The following SPOCK1 variants were observed in gnomAD, a reference collection of about 807,000 sequenced individuals.
SPOCK1 encodes the protein SPARC (osteonectin), cwcv and kazal like domains proteoglycan 1, also known as testican-1.
SPOCK1 carries 23 observed loss-of-function variants against 55.3 expected under a neutral mutation model. The ratio of observed to expected loss-of-function variants is 0.42; its 90% CI spans 0.30 to 0.59. The LOEUF is 0.59. Ranked by LOEUF, SPOCK1 falls within the 20% of genes least tolerant of loss-of-function variation. SPOCK1 has a pLI of 0.22. For synonymous variants in SPOCK1, 226 were observed against 221.0 expected (o/e 1.02, Z -0.20); for missense variants, 499 against 552.5 (o/e 0.90, Z 0.97).
intron 7 of SPOCK1, among the ~76,000 whole-genome samples, chr5:136,992,002 C>G (rs995902975): frequency 3.3e-5 from 5 of 152,194 alleles, no homozygotes; most frequent in African/African-American, 9.6e-5. Context: ...ATGTTTGCTA[C>G]AGTGTTACTT....
At chr5:137,077,644 T>C (rs567715704) in intron 5 of SPOCK1, among the ~76,000 whole-genome samples, 115 of 152,342 alleles carry the variant, frequency 7.5e-4, no homozygotes, top group African/African-American at 2.7e-3. Flanking sequence ...ACTTAGCCTC[T>C]CCTGGAGGCA....
chr5:137,071,465 C>T (rs1484282828), intron 5 of SPOCK1, among the ~76,000 whole-genome samples: 3 of 152,150 alleles, frequency 2.0e-5, no homozygotes, highest in Non-Finnish European at 4.4e-5. Context: ...CCAAGGGAAG[C>T]GTCACAAACA....
intron 3 of SPOCK1, among the ~76,000 whole-genome samples, chr5:137,217,374 G>A (rs1755738189): frequency 6.6e-6 from 1 of 152,172 alleles, no homozygotes; most frequent in Non-Finnish European, 1.5e-5. Context: ...TCAAGAATGT[G>A]CTGGAGTCTG....
At chr5:137,492,201 A>G (rs968061005) in intron 2 of SPOCK1, among the ~76,000 whole-genome samples, 5 of 152,192 alleles carry the variant, frequency 3.3e-5, no homozygotes, top group African/African-American at 1.2e-4. Flanking sequence ...TTGGACACAT[A>G]ACCCAGACTT....
chr5:137,085,334 C>T (rs2127016229), intron 5 of SPOCK1, among the ~76,000 whole-genome samples: 1 of 152,296 alleles, frequency 6.6e-6, no homozygotes, highest in East Asian at 1.9e-4. Flanking sequence ...TTAGGGCCAT[C>T]ACCAACCACA....
At chr5:137,029,729 T>C (rs1035230039) in intron 6 of SPOCK1, among the ~76,000 whole-genome samples, 1 of 152,246 alleles carries the variant, frequency 6.6e-6, no homozygotes, top group Non-Finnish European at 1.5e-5. Flanking sequence ...GTATGGTGGC[T>C]CATGCCTATA....
chr5:137,148,690 T>C lies in SPOCK1; in HGVS notation c.233-7996A>G, dbSNP rs570830447. On this transcript the variant is annotated intron_variant, in intron 3 of 10. Coordinates refer to ENST00000394945, the MANE Select transcript of SPOCK1 (RefSeq NM_004598.4). Reference sequence around the variant, plus strand: ...CGACCAACTATAGAATAATGTACTATTATCCTAATTCAACAATAAAGAAAC... The same window carrying C: ...CGACCAACTATAGAATAATGTACTACTATCCTAATTCAACAATAAAGAAAC... 5.3e-5 allele frequency among the ~76,000 whole-genome samples: 8 copies of C among 152,316 alleles called. No individual in the cohort carries two copies. The South Asian group carries it at 1.7e-3, about 32-fold the overall frequency.
intron 3 of SPOCK1, among the ~76,000 whole-genome samples, chr5:137,144,288 T>C (rs1754152553): frequency 1.3e-5 from 2 of 152,156 alleles, no homozygotes; most frequent in African/African-American, 4.8e-5. Context: ...GGCTAACTCC[T>C]GTAGACCACC....
chr5:137,490,133 A>T (rs2149845038), intron 2 of SPOCK1, among the ~76,000 whole-genome samples: 1 of 152,358 alleles, frequency 6.6e-6, no homozygotes, highest in African/African-American at 2.4e-5. Flanking sequence ...CATTTGTGTG[A>T]CAACACATTA....
chr5:137,452,411 C>A lies in SPOCK1; in HGVS notation c.186+45962G>T, dbSNP rs1456793601. Among the ~76,000 whole-genome samples, 4 of 152,128 alleles carry A rather than the reference C, an allele frequency of 2.6e-5. No homozygotes were observed. The East Asian group carries it at 5.8e-4, about 22-fold the overall frequency. On this transcript the variant is annotated intron_variant, in intron 2 of 10. Transcript: ENST00000394945. ...CGTCATTTTGAAAGGGCGGGGCTTA[C>A]TGAATCCCAAATTATTTAGTTATCT...
chr5:137,244,853 A>G (rs1179918169), intron 3 of SPOCK1, among the ~76,000 whole-genome samples: 2 of 152,214 alleles, frequency 1.3e-5, no homozygotes, highest in South Asian at 2.1e-4. Context: ...GCCCTCCAAC[A>G]TAAGAACCAA....
At chr5:137,226,630 C>T (rs1482476148) in intron 3 of SPOCK1, among the ~76,000 whole-genome samples, 1 of 152,184 alleles carries the variant, frequency 6.6e-6, no homozygotes, top group Non-Finnish European at 1.5e-5. Flanking sequence ...AGCTTCCAGT[C>T]TCCTCTGGTC....
At chr5:137,310,360 A>G (rs968975316) in intron 2 of SPOCK1, among the ~76,000 whole-genome samples, 1 of 152,246 alleles carries the variant, frequency 6.6e-6, no homozygotes, top group African/African-American at 2.4e-5. Context: ...ACACCACAGC[A>G]TAATGGCATC....
chr5:137,272,057 T>C (rs1292296692), intron 2 of SPOCK1, among the ~76,000 whole-genome samples: 1 of 152,206 alleles, frequency 6.6e-6, no homozygotes, highest in Non-Finnish European at 1.5e-5. Context: ...GAGTTGTCTG[T>C]GGGCTGATTG....
intron 3 of SPOCK1, among the ~76,000 whole-genome samples, chr5:137,165,195 C>G (rs1018062510): frequency 6.6e-6 from 1 of 152,158 alleles, no homozygotes; most frequent in African/African-American, 2.4e-5. Context: ...GTCACTCCAC[C>G]CCCACCTCCA....
intron 5 of SPOCK1, among the ~76,000 whole-genome samples, chr5:137,092,489 T>G (rs1328850355): frequency 6.6e-6 from 1 of 152,328 alleles, no homozygotes; most frequent in East Asian, 1.9e-4. Context: ...ACTCTGTCAT[T>G]ACCTCCTCAA....
chr5:136,981,413 T>TTAAG lies in SPOCK1; in HGVS notation c.992-1948_992-1945dup, dbSNP rs566487860. On this transcript the variant is annotated intron_variant, in intron 9 of 10. Coordinates refer to ENST00000394945, the MANE Select transcript of SPOCK1 (RefSeq NM_004598.4). The stretch of plus-strand genomic sequence containing the variant: ...ATTCACTTTGTGTTGTTCCTATAGT[T>TTAAG]TAAGTTACATCTAGTTAATTTTATT... 4.7e-3 allele frequency among the ~76,000 whole-genome samples: 713 copies of TTAAG among 152,340 alleles called. 5 individuals carry two copies. Among genetic ancestry groups the TTAAG allele is most frequent in the African/African-American group, 0.016 (666 of 41,578 alleles).
At chr5:137,292,715 CA>C (rs1303281338) in intron 2 of SPOCK1, among the ~76,000 whole-genome samples, 1 of 152,014 alleles carries the variant, frequency 6.6e-6, no homozygotes, top group African/African-American at 2.4e-5. Context: ...TGAGAAAGAA[CA>C]AAATGGTATT....
At chr5:137,074,036 A>G (rs914307471) in intron 5 of SPOCK1, among the ~76,000 whole-genome samples, 1 of 148,794 alleles carries the variant, frequency 6.7e-6, no homozygotes, top group African/African-American at 2.5e-5. Context: ...GAGGCACTGT[A>G]TTAAAAAGGT....
Sources: allele counts gnomAD v4.1 joint callset (sites outside exome capture counted in the v4.1 genomes callset), GRCh38; gene constraint gnomAD v4.1.1; transcripts MANE v1.5; gene names NCBI Gene and HGNC (gene_info 2026-07-23, HGNC 2026-07-21).